The following GUSB variants were observed in gnomAD, a reference collection of about 807,000 sequenced individuals.
GUSB encodes glucuronidase beta, also known as beta-glucuronidase.
GUSB carries 51 observed loss-of-function variants against 74.6 expected under a neutral mutation model. The ratio of observed to expected loss-of-function variants is 0.68; its 90% CI spans 0.55 to 0.86. The LOEUF is 0.86. GUSB is among the 40% of genes least tolerant of loss of function. GUSB has a pLI of 0.00. For missense variants in GUSB, 736 were observed against 853.7 expected, an observed-to-expected ratio of 0.86 and a Z score of 1.72; for synonymous variants, 360 against 348.3, an observed-to-expected ratio of 1.03 and a Z score of -0.37.
At position 65,974,635 on chromosome 7, in the gene GUSB, T is replaced by C. The variant is rs1207640167; in HGVS notation, c.1135A>G (p.Asn379Asp). ...DFNLLRWLGA[N>D]AFRTSHYPYA... ...GGGTAGTGGCTGGTACGGAAAGCGT[T>C]GGCACCAAGCCAGCGAAGCAGGTTG... Residue 379 changes from asparagine to aspartate, a missense_variant, in exon 7 of 12, where the codon AAC (asparagine) becomes GAC (aspartate). By Grantham distance (23) the Asn-to-Asp change is conservative. Coordinates refer to ENST00000304895, the MANE Select transcript of GUSB (RefSeq NM_000181.4). 3 of 1,613,980 alleles carry C rather than the reference T, an allele frequency of 1.9e-6. No individual in the cohort carries two copies. Among genetic ancestry groups the C allele is most frequent in the Admixed American group, 1.7e-5 (1 of 60,012 alleles).
At chr7:65,977,493 T>C (rs889723344) in intron 4 of GUSB, among the ~76,000 whole-genome samples, 1 of 152,184 alleles carries the variant, frequency 6.6e-6, no homozygotes, top group Non-Finnish European at 1.5e-5. Flanking sequence ...AATTGCTCTA[T>C]GGTGCATTGT....
At chr7:65,972,665 G>C (rs1426722304) in intron 8 of GUSB, among the ~76,000 whole-genome samples, 5 of 152,114 alleles carry the variant, frequency 3.3e-5, no homozygotes, top group Non-Finnish European at 2.9e-5. Context: ...TGACAGCCTG[G>C]CTGAACCTCT....
chr7:65,973,264 C>T (rs1248459478), intron 8 of GUSB, among the ~76,000 whole-genome samples: 1 of 151,972 alleles, frequency 6.6e-6, no homozygotes, highest in Non-Finnish European at 1.5e-5. Context: ...CCAGCCTGGC[C>T]CAACATAGTG....
intron 9 of GUSB, 51 bp downstream of exon 9, chr7:65,970,231 A>G: frequency 1.8e-6 from 2 of 1,100,164 alleles, no homozygotes; most frequent in Non-Finnish European, 2.8e-6. Flanking sequence ...AGGCTTCAGG[A>G]CAAGCCCAGG....
intron 1 of GUSB, 51 bp downstream of exon 1, chr7:65,981,923 C>T (rs1160368045): frequency 1.3e-6 from 2 of 1,508,972 alleles, no homozygotes; most frequent in Admixed American, 1.8e-5. Context: ...GGCTCCCCTA[C>T]TCCCACCGCC....
intron 8 of GUSB, among the ~76,000 whole-genome samples, chr7:65,970,883 T>C (rs1197349633): frequency 6.6e-6 from 1 of 151,518 alleles, no homozygotes; most frequent in African/African-American, 2.4e-5. Flanking sequence ...AGCAAGACCC[T>C]GTCTCAAAAC....
In GUSB at chr7:65,970,343, G is replaced by A. The variant is rs771707097; in HGVS notation, c.1415C>T (p.Ser472Phe). 1.2e-6 allele frequency: 2 copies of A among 1,612,830 alleles called. No homozygotes were observed. Among genetic ancestry groups the A allele is most frequent in the East Asian group, 4.5e-5 (2 of 44,822 alleles). Reference protein sequence around the residue: ...YLKMVIAHTKSLDPSRPVTFV... With the variant: ...YLKMVIAHTKFLDPSRPVTFV... ...GGTCACAGGCCGGGAGGGGTCCAAG[G>A]ATTTGGTGTGAGCGATCACCATCCT... The change falls in exon 9 of 12, where the codon TCC becomes TTC. Residue 472 changes from serine (S) to phenylalanine (F), a missense_variant. Ser to Phe is a radical substitution (Grantham distance 155). Coordinates refer to ENST00000304895, the MANE Select transcript of GUSB (RefSeq NM_000181.4).
At chr7:65,976,706 A>G (rs1336035222) in intron 4 of GUSB, among the ~76,000 whole-genome samples, 1 of 151,410 alleles carries the variant, frequency 6.6e-6, no homozygotes, top group Non-Finnish European at 1.5e-5. Context: ...CTGGGGTGGG[A>G]GGATCGCTTG....
In GUSB at chr7:65,974,480, C is replaced by T. The variant is rs200067566; in HGVS notation, c.1245-39G>A. 5.6e-4 allele frequency: 896 copies of T among 1,613,938 alleles called. 1 individual carries two copies. The highest frequency in any genetic ancestry group is 6.7e-4 in the Non-Finnish European group (795 of 1,180,012). ...GGGAAGGGACAGAGGGTCACGGTGACGCCCCCGGGCTGGGCAGGCGGAGCA... is the reference window on the plus strand; with the variant it reads ...GGGAAGGGACAGAGGGTCACGGTGATGCCCCCGGGCTGGGCAGGCGGAGCA... On this transcript the variant is annotated intron_variant, in intron 7 of 11. Transcript: ENST00000304895.
At chr7:65,978,002 G>A (rs1032585446) in intron 4 of GUSB, among the ~76,000 whole-genome samples, 96 of 151,598 alleles carry the variant, frequency 6.3e-4, no homozygotes, top group African/African-American at 2.3e-3. Flanking sequence ...AGTAGAGACG[G>A]AGTTTCACCA....
intron 9 of GUSB, among the ~76,000 whole-genome samples, chr7:65,969,119 G>A (rs1262015158): frequency 1.3e-5 from 2 of 152,010 alleles, no homozygotes; most frequent in Non-Finnish European, 2.9e-5. Context: ...GGTGGCTCAC[G>A]CCTGTAATCC....
At chr7:65,968,588 CTTTTG>C (rs937039532) in intron 9 of GUSB, among the ~76,000 whole-genome samples, 40 of 152,260 alleles carry the variant, frequency 2.6e-4, no homozygotes, top group African/African-American at 8.7e-4. Context: ...CACAGAAAAT[CTTTTG>C]TTTTGTTTTG....
At chr7:65,964,572 A>G in intron 10 of GUSB, 114 bp from the exon 11 acceptor site, 3 of 907,800 alleles carry the variant, frequency 3.3e-6, no homozygotes, top group East Asian at 5.3e-5. Context: ...ACAGGGGGCT[A>G]TAGTGACTGC....
At chr7:65,964,145 C>T in intron 11 of GUSB, 178 bp downstream of exon 11, 1 of 691,154 alleles carries the variant, frequency 1.4e-6, no homozygotes, top group African/African-American at 1.8e-5. Context: ...TGATTGCTTT[C>T]CTACTTCCTA....
At chr7:65,964,274 G>GA in intron 11 of GUSB, 49 bp downstream of exon 11, 1 of 1,552,090 alleles carries the variant, frequency 6.4e-7, no homozygotes, top group Non-Finnish European at 8.9e-7. Flanking sequence ...AAGGCAACCT[G>GA]AAAAAATGAG....
intron 11 of GUSB, among the ~76,000 whole-genome samples, chr7:65,961,296 CTTTTAT>C (rs910238289): frequency 2.0e-5 from 3 of 151,986 alleles, no homozygotes; most frequent in African/African-American, 4.8e-5. Flanking sequence ...GCCCGGTAAT[CTTTTAT>C]TTTTATTTTT....
chr7:65,967,039 T>A (rs1013909268), intron 10 of GUSB, among the ~76,000 whole-genome samples: 5 of 152,046 alleles, frequency 3.3e-5, no homozygotes, highest in South Asian at 2.1e-4. Flanking sequence ...TGGAAACAGA[T>A]CAGTGGCTGG....
chr7:65,982,069 T>G lies in GUSB; in HGVS notation c.115A>C (p.Lys39Gln). Residue 39 changes from lysine (K) to glutamine (Q), a missense_variant, in exon 1 of 12, where the codon AAG becomes CAG. By Grantham distance (53) the Lys-to-Gln change is moderately conservative (BLOSUM62 1). Around this residue, in one of 2 missense-constraint regions of GUSB, gnomAD observed 368 missense variants for 363.8 expected, o/e 1.01. Coordinates refer to ENST00000304895, the MANE Select transcript of GUSB (RefSeq NM_000181.4). ...YPQESPSREC[K>Q]ELDGLWSFRA... ...AAGCTCCAGAGGCCGTCCAGCTCCT[T>G]GCACTCCCGCGACGGGCTCTCCTGG... is the stretch of plus-strand genomic sequence containing the variant. 5.0e-6 allele frequency: 8 copies of G among 1,608,908 alleles called. No individual in the cohort carries two copies. The highest frequency in any genetic ancestry group is 4.2e-6 in the Non-Finnish European group (5 of 1,178,438).
intron 8 of GUSB, among the ~76,000 whole-genome samples, chr7:65,972,192 C>T (rs1010314792): frequency 2.0e-5 from 3 of 152,106 alleles, no homozygotes; most frequent in Non-Finnish European, 2.9e-5. Flanking sequence ...GACAGAATCT[C>T]ACTCTGTAGC....
Sources: allele counts gnomAD v4.1 joint callset (sites outside exome capture counted in the v4.1 genomes callset), GRCh38; gene constraint gnomAD v4.1.1; regional missense constraint gnomAD v4.1.1; transcripts MANE v1.5; gene names NCBI Gene and HGNC (gene_info 2026-07-23, HGNC 2026-07-21).